Variants in LRRC4C observed in about 807,000 individuals in gnomAD.
The protein encoded by LRRC4C is leucine-rich repeat-containing protein 4C.
LRRC4C carries 5 observed loss-of-function variants against 33.6 expected under a neutral mutation model. That is an observed-to-expected ratio of 0.15 (90% CI 0.08 to 0.31). The LOEUF is 0.31. Among genes scored for constraint, LRRC4C ranks in the 10% least tolerant of loss-of-function variants. LRRC4C has a pLI of 1.00. For synonymous variants in LRRC4C, 329 were observed against 302.0 expected (o/e 1.09, Z -0.93); for missense variants, 560 against 796.7 (o/e 0.70, Z 3.58).
chr11:40,884,020 C>A (rs1368196562), intron 2 of LRRC4C, among the ~76,000 whole-genome samples: 1 of 151,766 alleles, frequency 6.6e-6, no homozygotes, highest in Non-Finnish European at 1.5e-5. Context: ...AGGTTTTAAG[C>A]CCCGCATGCA....
intron 2 of LRRC4C, among the ~76,000 whole-genome samples, chr11:40,869,514 A>G (rs1200992488): frequency 6.6e-6 from 1 of 152,176 alleles, no homozygotes; most frequent in African/African-American, 2.4e-5. Flanking sequence ...CTTCTCGATA[A>G]GATCTCAGGA....
intron 3 of LRRC4C, among the ~76,000 whole-genome samples, chr11:40,500,824 C>T (rs561451009): frequency 2.0e-5 from 3 of 152,110 alleles, no homozygotes; most frequent in South Asian, 4.1e-4. Context: ...ACCAATCATG[C>T]CTTCCCAACA....
intron 2 of LRRC4C, among the ~76,000 whole-genome samples, chr11:40,712,534 A>T (rs1433900877): frequency 6.6e-6 from 1 of 152,170 alleles, no homozygotes; most frequent in Non-Finnish European, 1.5e-5. Context: ...ATAAAAAGCT[A>T]TTTCTAGAAA....
At chr11:40,838,672 G>C (rs1382095644) in intron 2 of LRRC4C, among the ~76,000 whole-genome samples, 1 of 151,864 alleles carries the variant, frequency 6.6e-6, no homozygotes, top group African/African-American at 2.4e-5. Context: ...AATATGAGTT[G>C]TAGTAACTGA....
chr11:40,668,277 C>A (rs576168941), intron 2 of LRRC4C, among the ~76,000 whole-genome samples: 3 of 151,992 alleles, frequency 2.0e-5, no homozygotes, highest in Non-Finnish European at 4.4e-5. Context: ...CTGTAGTTTC[C>A]GAGACTAATT....
At chr11:41,123,805 T>C (rs560954779) in intron 1 of LRRC4C, among the ~76,000 whole-genome samples, 1 of 152,326 alleles carries the variant, frequency 6.6e-6, no homozygotes, top group Admixed American at 6.5e-5. Flanking sequence ...TGTGGTTTAA[T>C]CAATGCAGAG....
intron 2 of LRRC4C, among the ~76,000 whole-genome samples, chr11:40,658,272 C>T (rs972380253): frequency 5.3e-5 from 8 of 152,264 alleles, no homozygotes; most frequent in African/African-American, 1.2e-4. Flanking sequence ...ACCATCTAGG[C>T]TTGACATGAA....
chr11:41,222,186 T>A (rs1219849403), intron 1 of LRRC4C, among the ~76,000 whole-genome samples: 1 of 152,136 alleles, frequency 6.6e-6, no homozygotes, highest in Non-Finnish European at 1.5e-5. Flanking sequence ...GAAATGTACA[T>A]ATGGTTGGTT....
chr11:40,234,007 A>G (rs1865382756), intron 5 of LRRC4C, among the ~76,000 whole-genome samples: 1 of 152,214 alleles, frequency 6.6e-6, no homozygotes, highest in African/African-American at 2.4e-5. Flanking sequence ...CTCATCTTAT[A>G]TATGAACAAA....
chr11:40,321,231 G>A (rs1190196899), intron 3 of LRRC4C, among the ~76,000 whole-genome samples: 2 of 152,000 alleles, frequency 1.3e-5, no homozygotes, highest in Admixed American at 6.6e-5. Context: ...AGGTATTTTT[G>A]GTTGAAATGT....
rs936621370 is a variant in LRRC4C, at chr11:40,888,392, C to A, written c.-407+45243G>T. Among the ~76,000 whole-genome samples, 5 of 151,766 alleles carry A rather than the reference C, an allele frequency of 3.3e-5. 1 individual carries two copies. The highest frequency in any genetic ancestry group is 7.4e-5 in the Non-Finnish European group (5 of 67,828). ...ATTTTTAAGTATTTAAATTTTATAT[C>A]TAAAGACAGTATTCAATCTATTGCA... On this transcript the variant is annotated intron_variant, in intron 2 of 6. Coordinates refer to ENST00000528697, the MANE Select transcript of LRRC4C (RefSeq NM_001258419.2).
At chr11:40,396,926 C>T (rs933476279) in intron 3 of LRRC4C, among the ~76,000 whole-genome samples, 6 of 152,002 alleles carry the variant, frequency 3.9e-5, no homozygotes, top group African/African-American at 1.4e-4. Context: ...CTCTATAATA[C>T]AAGTATTAAT....
At chr11:41,027,275 T>C (rs1282174737) in intron 1 of LRRC4C, among the ~76,000 whole-genome samples, 3 of 151,674 alleles carry the variant, frequency 2.0e-5, no homozygotes, top group Non-Finnish European at 4.4e-5. Context: ...GTCAAAAATT[T>C]CAAAGCAAAG....
At chr11:40,784,459 G>A (rs1037459976) in intron 2 of LRRC4C, among the ~76,000 whole-genome samples, 7 of 152,164 alleles carry the variant, frequency 4.6e-5, no homozygotes, top group African/African-American at 1.7e-4. Flanking sequence ...TAGTCAATAT[G>A]AGGTAGTGAT....
chr11:41,347,747 G>A (rs887411862), intron 1 of LRRC4C, among the ~76,000 whole-genome samples: 9 of 152,272 alleles, frequency 5.9e-5, no homozygotes, highest in African/African-American at 2.2e-4. Flanking sequence ...AATGTGGTGA[G>A]CAGTGAGAGT....
chr11:40,999,105 G>A (rs143066455), intron 1 of LRRC4C, among the ~76,000 whole-genome samples: 1 of 152,212 alleles, frequency 6.6e-6, no homozygotes, highest in East Asian at 1.9e-4. Flanking sequence ...CACAGAACAT[G>A]TCCTTGTCAC....
At chr11:41,127,305 G>A (rs888749827) in intron 1 of LRRC4C, among the ~76,000 whole-genome samples, 3 of 150,268 alleles carry the variant, frequency 2.0e-5, no homozygotes, top group Non-Finnish European at 4.4e-5. Context: ...TCATCCTCAA[G>A]TATTAAGACC....
At position 41,412,916 on chromosome 11, in the gene LRRC4C, C is replaced by T. The variant is rs149514895; in HGVS notation, c.-496+46515G>A. On this transcript the variant is annotated intron_variant, in intron 1 of 6. Coordinates refer to ENST00000528697, the MANE Select transcript of LRRC4C (RefSeq NM_001258419.2). Reference sequence around the variant, plus strand: ...CTAACAGCCTTTTCCTCCCTTCATTCCAGCCCCTCTCTCATTTGTTAATTT... The same window carrying T: ...CTAACAGCCTTTTCCTCCCTTCATTTCAGCCCCTCTCTCATTTGTTAATTT... Among the ~76,000 whole-genome samples, 21 of 152,304 alleles carry T rather than the reference C, an allele frequency of 1.4e-4. No homozygotes were observed. In the East Asian group the frequency reaches 4.1e-3, roughly 29 times the overall value.
At chr11:40,845,221 A>G (rs966766845) in intron 2 of LRRC4C, among the ~76,000 whole-genome samples, 1 of 152,044 alleles carries the variant, frequency 6.6e-6, no homozygotes, top group Non-Finnish European at 1.5e-5. Context: ...TTTGTTACAT[A>G]GGTATGCATG....
Sources: gnomAD v4.1 joint callset for allele counts (sites outside exome capture counted in the v4.1 genomes callset) on GRCh38, gnomAD v4.1.1 for gene constraint, MANE v1.5 for transcripts, NCBI Gene and HGNC (gene_info 2026-07-23, HGNC 2026-07-21) for gene names.